SPOCK1: variants seen among roughly 807,000 people sequenced by gnomAD.
SPOCK1 encodes testican-1.
A neutral mutation model predicts 55.3 loss-of-function variants in SPOCK1; 23 were observed. The observed-to-expected ratio is 0.42, with a 90% CI of 0.30 to 0.59. The LOEUF is 0.59. Ranked by LOEUF, SPOCK1 falls within the 20% of genes least tolerant of loss-of-function variation. SPOCK1 has a pLI of 0.22. For synonymous variants in SPOCK1, 226 were observed against 221.0 expected (o/e 1.02, Z -0.20); for missense variants, 499 against 552.5 (o/e 0.90, Z 0.97).
chr5:136,976,295 A>G lies in SPOCK1; in HGVS notation c.*2359T>C, dbSNP rs534116372. On this transcript the variant is annotated 3_prime_UTR_variant, in exon 11 of 11. Transcript: ENST00000394945. ...ATTTAATGTTTTAATGAATCAAAATATCTTCTTAGAATGTCTCTGAAAATG... is the reference window on the plus strand; with the variant it reads ...ATTTAATGTTTTAATGAATCAAAATGTCTTCTTAGAATGTCTCTGAAAATG... 1 of 152,686 alleles carries G rather than the reference A, an allele frequency of 6.5e-6. No individual in the cohort carries two copies. Among genetic ancestry groups the G allele is most frequent in the East Asian group, 1.9e-4 (1 of 5,180 alleles). The allele number at this position is 152,686 out of a possible 1,614,324, so 9.5% of individuals were successfully genotyped here.
intron 5 of SPOCK1, among the ~76,000 whole-genome samples, chr5:137,084,122 C>T (rs1752919299): frequency 1.3e-5 from 2 of 152,054 alleles, no homozygotes; most frequent in African/African-American, 4.8e-5. Flanking sequence ...GTGCTCATCC[C>T]CCTCTGCCAG....
intron 5 of SPOCK1, among the ~76,000 whole-genome samples, chr5:137,076,956 C>A (rs1042453148): frequency 6.6e-6 from 1 of 152,076 alleles, no homozygotes. Context: ...CAGAGTCTCG[C>A]TCTGTTGCCC....
chr5:136,990,147 T>TG (rs1336951071), intron 7 of SPOCK1, among the ~76,000 whole-genome samples: 1 of 152,122 alleles, frequency 6.6e-6, no homozygotes, highest in Non-Finnish European at 1.5e-5. Context: ...CCTGACCTCG[T>TG]GATCCACCTG....
intron 2 of SPOCK1, among the ~76,000 whole-genome samples, chr5:137,398,890 C>T (rs1043116291): frequency 6.6e-6 from 1 of 152,118 alleles, no homozygotes; most frequent in Non-Finnish European, 1.5e-5. Context: ...GAGAGACTAA[C>T]CCAATAGGTA....
chr5:137,435,957 C>T (rs1752856228), intron 2 of SPOCK1, among the ~76,000 whole-genome samples: 1 of 152,014 alleles, frequency 6.6e-6, no homozygotes, highest in Non-Finnish European at 1.5e-5. Flanking sequence ...AGTTCAAGAC[C>T]AGCCTGGGCA....
intron 3 of SPOCK1, among the ~76,000 whole-genome samples, chr5:137,200,294 T>C (rs933043622): frequency 2.6e-5 from 4 of 152,194 alleles, no homozygotes; most frequent in African/African-American, 9.7e-5. Flanking sequence ...TTCATTCTAG[T>C]CTTTGCTCAT....
Position 136,978,610 on chromosome 5 carries a change from A to T in SPOCK1, c.*44T>A, listed in dbSNP as rs1329250035. 2 of 1,552,318 alleles carry T rather than the reference A, an allele frequency of 1.3e-6. No individual in the cohort carries two copies. The highest frequency in any genetic ancestry group is 2.0e-5 in the Admixed American group (1 of 51,204). On this transcript the variant is annotated 3_prime_UTR_variant, in exon 11 of 11. Transcript: ENST00000394945. ...GATACAAATGCAGGAATAGGAAGTG[A>T]CTTGCAATTTTGTGCAAAACTTGTG...
At chr5:137,324,488 A>G (rs1212261865) in intron 2 of SPOCK1, among the ~76,000 whole-genome samples, 1 of 152,160 alleles carries the variant, frequency 6.6e-6, no homozygotes, top group East Asian at 1.9e-4. Context: ...ATGAACCTGG[A>G]AGACGTTGTG....
chr5:137,052,973 A>G (rs1306093235), intron 6 of SPOCK1, among the ~76,000 whole-genome samples: 3 of 151,878 alleles, frequency 2.0e-5, no homozygotes, highest in Non-Finnish European at 2.9e-5. Context: ...CTTCTGTCCA[A>G]CTGCAGGCAC....
In SPOCK1 at chr5:137,193,027, A is replaced by T. The variant is rs140553859; in HGVS notation, c.233-52333T>A. Among the ~76,000 whole-genome samples the T allele has an allele frequency of 7.3e-3, 1,116 of 152,346 alleles. 14 individuals are homozygous for T. The highest frequency in any genetic ancestry group is 0.025 in the African/African-American group (1,044 of 41,574). ...TTGTTTTTGTAAGTAAAAGCTCTGA[A>T]GCTGATAGGGCTGTATTAATGCTGG... On this transcript the variant is annotated intron_variant, in intron 3 of 10. Transcript: ENST00000394945.
At chr5:137,427,413 G>A (rs1256767097) in intron 2 of SPOCK1, among the ~76,000 whole-genome samples, 4 of 152,118 alleles carry the variant, frequency 2.6e-5, no homozygotes, top group African/African-American at 9.7e-5. Flanking sequence ...TCTGGAAGAA[G>A]CAGCTAAGCA....
At chr5:137,437,663 A>G (rs1267414147) in intron 2 of SPOCK1, among the ~76,000 whole-genome samples, 1 of 152,264 alleles carries the variant, frequency 6.6e-6, no homozygotes, top group African/African-American at 2.4e-5. Context: ...TAACACATTC[A>G]TATAATTTGT....
intron 2 of SPOCK1, among the ~76,000 whole-genome samples, chr5:137,435,098 A>G (rs1033784386): frequency 6.6e-6 from 1 of 152,204 alleles, no homozygotes; most frequent in Non-Finnish European, 1.5e-5. Flanking sequence ...TATATTTATA[A>G]TCTTACATCT....
At position 137,171,208 on chromosome 5, in the gene SPOCK1, C is replaced by T. The variant is rs533896839; in HGVS notation, c.233-30514G>A. On this transcript the variant is annotated intron_variant, in intron 3 of 10. Transcript: ENST00000394945. ...CAATCTGCTCTTCTCCCATCACGCT[C>T]GCCTCTGAACTCACGCTCTTGTCTT... is the stretch of plus-strand genomic sequence containing the variant. Among the ~76,000 whole-genome samples the T allele has an allele frequency of 1.9e-3, 296 of 152,258 alleles. 3 individuals are homozygous for T. Among genetic ancestry groups the T allele is most frequent in the African/African-American group, 5.5e-3 (229 of 41,566 alleles).
chr5:137,088,579 A>AC (rs1208869003), intron 5 of SPOCK1, among the ~76,000 whole-genome samples: 4 of 151,746 alleles, frequency 2.6e-5, no homozygotes, highest in African/African-American at 9.7e-5. Context: ...ACCCACCTTC[A>AC]CCCCCAGTCC....
chr5:137,238,371 C>T (rs890667077), intron 3 of SPOCK1, among the ~76,000 whole-genome samples: 2 of 152,190 alleles, frequency 1.3e-5, no homozygotes, highest in Admixed American at 6.5e-5. Context: ...GCTAAACATG[C>T]TCCTTACAAT....
intron 3 of SPOCK1, among the ~76,000 whole-genome samples, chr5:137,154,805 A>G (rs768800783): frequency 1.3e-5 from 2 of 152,232 alleles, no homozygotes; most frequent in Non-Finnish European, 2.9e-5. Flanking sequence ...CAATCTGCAC[A>G]GAAACCAGAT....
intron 2 of SPOCK1, among the ~76,000 whole-genome samples, chr5:137,493,666 A>T (rs1754236713): frequency 6.6e-6 from 1 of 152,256 alleles, no homozygotes; most frequent in South Asian, 2.1e-4. Context: ...TAGTGGGTTC[A>T]TTAAAGAGAG....
intron 3 of SPOCK1, among the ~76,000 whole-genome samples, chr5:137,253,345 C>T (rs1024248202): frequency 1.3e-5 from 2 of 152,138 alleles, no homozygotes; most frequent in African/African-American, 4.8e-5. Context: ...ATGAATGAGG[C>T]TTTGATTGTA....
Sources: allele counts gnomAD v4.1 joint callset (sites outside exome capture counted in the v4.1 genomes callset), GRCh38; gene constraint gnomAD v4.1.1; transcripts MANE v1.5; gene names NCBI Gene and HGNC (gene_info 2026-07-23, HGNC 2026-07-21).